The following PTCD3 variants were observed in gnomAD, a reference collection of about 807,000 sequenced individuals.
PTCD3 encodes the protein small ribosomal subunit protein mS39.
PTCD3 carries 89 observed loss-of-function variants against 101.9 expected under a neutral mutation model. The observed-to-expected ratio is 0.87, with a 90% confidence interval of 0.74 to 1.04. The LOEUF (loss-of-function observed/expected upper bound fraction) is 1.04. Among genes scored for constraint, PTCD3 ranks in the 50% least tolerant of loss-of-function variants. The probability of loss-of-function intolerance (pLI) is 0.00; values close to 1 mark genes in which losing one functional copy is unlikely to be tolerated. For missense variants in PTCD3, 870 were observed against 828.2 expected (o/e 1.05, Z -0.62); for synonymous variants, 296 against 278.5 (o/e 1.06, Z -0.63).
At chr2:86,133,465 G>C in intron 19 of PTCD3, 29 bp downstream of exon 19, 1 of 1,541,354 alleles carries the variant, frequency 6.5e-7, no homozygotes, top group Non-Finnish European at 9.0e-7. Flanking sequence ...GTGTCCAGGT[G>C]CATCTCACCT....
chr2:86,114,683 TG>T (rs909536126), intron 4 of PTCD3, among the ~76,000 whole-genome samples: 1 of 152,244 alleles, frequency 6.6e-6, no homozygotes, highest in African/African-American at 2.4e-5. Flanking sequence ...TTCTTATAGC[TG>T]CTCAGGCCAA....
chr2:86,116,549 A>G lies in PTCD3; in HGVS notation c.260A>G (p.Tyr87Cys). The G allele has an allele frequency of 6.2e-7, 1 of 1,610,028 alleles. No individual in the cohort carries two copies. Among genetic ancestry groups the G allele is most frequent in the Non-Finnish European group, 8.5e-7 (1 of 1,176,328 alleles). Reference sequence around the variant, plus strand: ...CCACAGGATACCACAGCTGTGCCTTATGTGTTTCAAGATGATCCTTACCTT... The same window carrying G: ...CCACAGGATACCACAGCTGTGCCTTGTGTGTTTCAAGATGATCCTTACCTT... ...TVNRDTTAVP[Y>C]VFQDDPYLMP... Residue 87 changes from tyrosine (Y) to cysteine (C), a missense_variant, in exon 5 of 24, where the codon TAT becomes TGT. Tyr to Cys is a radical substitution (Grantham distance 194). Transcript: ENST00000254630.
At chr2:86,116,943 GTGT>G (rs943157505) in intron 5 of PTCD3, 109 bp from the exon 6 acceptor site, 5 of 634,080 alleles carry the variant, frequency 7.9e-6, no homozygotes, top group African/African-American at 3.7e-5. Context: ...GGGATTCTGC[GTGT>G]TGTTGCATTT....
At chr2:86,111,327 G>A (rs1166237959) in intron 4 of PTCD3, among the ~76,000 whole-genome samples, 169 bp downstream of exon 4, 2 of 152,072 alleles carry the variant, frequency 1.3e-5, no homozygotes, top group Non-Finnish European at 2.9e-5. Flanking sequence ...GGTGGCTCAC[G>A]CCTGTAATCC....
chr2:86,118,216 T>C (rs527447961), intron 6 of PTCD3, among the ~76,000 whole-genome samples: 111 of 152,358 alleles, frequency 7.3e-4, no homozygotes, highest in Middle Eastern at 3.4e-3. Flanking sequence ...CCCTTTACTT[T>C]GAACTCCACA....
chr2:86,129,358 T>C (rs367833264), intron 14 of PTCD3, among the ~76,000 whole-genome samples: 1 of 152,228 alleles, frequency 6.6e-6, no homozygotes, highest in Admixed American at 6.5e-5. Flanking sequence ...TATATAAATT[T>C]GCCTGTCTGC....
chr2:86,117,614 A>ATT (rs1295578971), intron 6 of PTCD3, among the ~76,000 whole-genome samples: 32 of 151,652 alleles, frequency 2.1e-4, no homozygotes, highest in Non-Finnish European at 3.4e-4. Flanking sequence ...TGCCTGGCTG[A>ATT]TTTTTTTTAA....
At chr2:86,111,024 T>C (rs755774813) in intron 3 of PTCD3, 89 bp from the exon 4 acceptor site, 4 of 1,168,656 alleles carry the variant, frequency 3.4e-6, no homozygotes, top group East Asian at 2.3e-5. Flanking sequence ...CACTATGTTA[T>C]TGGCCAGTAC....
chr2:86,132,183 T>C, intron 16 of PTCD3, 135 bp from the exon 17 acceptor site: 1 of 562,210 alleles, frequency 1.8e-6, no homozygotes, highest in South Asian at 2.8e-5. Flanking sequence ...CCCCATTTCT[T>C]ATAACTTACT....
intron 22 of PTCD3, 25 bp from the exon 23 acceptor site, chr2:86,136,957 T>C (rs1396772124): frequency 6.2e-7 from 1 of 1,612,250 alleles, no homozygotes; most frequent in African/African-American, 1.3e-5. Context: ...CTGGAGAAAG[T>C]TCACACTTTG....
At chr2:86,132,215 T>G in intron 16 of PTCD3, 103 bp from the exon 17 acceptor site, 1 of 652,190 alleles carries the variant, frequency 1.5e-6, no homozygotes, top group Non-Finnish European at 2.6e-6. Context: ...AATAATATGT[T>G]GAATCAACAT....
intron 19 of PTCD3, 49 bp from the exon 20 acceptor site, chr2:86,134,243 G>A: frequency 7.2e-7 from 1 of 1,395,670 alleles, no homozygotes; most frequent in Non-Finnish European, 1.0e-6. Context: ...ACAAAAGTGT[G>A]TTGGTTTTAC....
At chr2:86,128,794 T>C (rs758615152) in intron 14 of PTCD3, among the ~76,000 whole-genome samples, 1 of 152,170 alleles carries the variant, frequency 6.6e-6, no homozygotes, top group Non-Finnish European at 1.5e-5. Flanking sequence ...TTACCAGCTA[T>C]GTCAAAGCGA....
At chr2:86,114,692 C>T (rs890176851) in intron 4 of PTCD3, among the ~76,000 whole-genome samples, 8 of 152,186 alleles carry the variant, frequency 5.3e-5, no homozygotes, top group Non-Finnish European at 7.3e-5. Flanking sequence ...CTGCTCAGGC[C>T]AAAATCCTGG....
intron 4 of PTCD3, among the ~76,000 whole-genome samples, chr2:86,113,966 A>G (rs1674133509): frequency 1.3e-5 from 2 of 152,170 alleles, no homozygotes; most frequent in Admixed American, 6.5e-5. Context: ...TTATCCATAA[A>G]TAGGCACCTG....
In PTCD3 at chr2:86,125,870, G is replaced by A. The variant is rs754729476; in HGVS notation, c.941G>A (p.Ser314Asn). The A allele has an allele frequency of 1.3e-6, 2 of 1,594,944 alleles. No homozygotes were observed. Among genetic ancestry groups the A allele is most frequent in the South Asian group, 1.1e-5 (1 of 90,622 alleles). Reference sequence around the variant, plus strand: ...AATGAGAAATTTGAGGAAAAATGGAGTAAAATACTGGTAAGGAGGAATCCT... The same window carrying A: ...AATGAGAAATTTGAGGAAAAATGGAATAAAATACTGGTAAGGAGGAATCCT... ...AINEKFEEKW[S>N]KILELLRHMV... The change falls in exon 12 of 24, where the codon AGT becomes AAT. Residue 314 changes from serine to asparagine, a missense_variant. Physicochemically the swap from Ser to Asn is conservative, Grantham distance 46. Transcript: ENST00000254630.
At chr2:86,108,175 C>CATTCCTTAA (rs544924967) in intron 1 of PTCD3, among the ~76,000 whole-genome samples, 175 bp from the exon 2 acceptor site, 175 of 151,734 alleles carry the variant, frequency 1.2e-3, no homozygotes, top group African/African-American at 4.1e-3. Flanking sequence ...ATCTTGTATC[C>CATTCCTTAA]ATTCCTTAAT....
Position 86,132,445 on chromosome 2 carries a change from T to C in PTCD3, c.1373+21T>C, listed in dbSNP as rs371460430. The C allele has an allele frequency of 3.3e-6, 5 of 1,514,244 alleles. No individual in the cohort carries two copies. In the African/African-American group the frequency reaches 5.5e-5, roughly 17 times the overall value. 93.8% of individuals were successfully genotyped at this position (1,514,244 alleles called of 1,614,324 possible). Reference sequence around the variant, plus strand: ...TATTAGTAAGTGTGTTGGAAACATATCCTTTTGCATGAGTTACCAGATTCT... The same window carrying C: ...TATTAGTAAGTGTGTTGGAAACATACCCTTTTGCATGAGTTACCAGATTCT... On this transcript the variant is annotated intron_variant, in intron 17 of 23. Coordinates refer to ENST00000254630, the MANE Select transcript of PTCD3 (RefSeq NM_017952.6).
intron 6 of PTCD3, 136 bp downstream of exon 6, chr2:86,117,295 A>G (rs1382664785): frequency 1.3e-5 from 7 of 522,974 alleles, no homozygotes; most frequent in Non-Finnish European, 2.4e-5. Context: ...GTGTGGAGTT[A>G]GCTTTGATCA....
Sources: gnomAD v4.1 joint callset for allele counts (sites outside exome capture counted in the v4.1 genomes callset) on GRCh38, gnomAD v4.1.1 for gene constraint, MANE v1.5 for transcripts, NCBI Gene and HGNC (gene_info 2026-07-23, HGNC 2026-07-21) for gene names.